CPLX4: variants seen among roughly 807,000 people sequenced by gnomAD.
CPLX4 encodes the protein complexin-4.
In CPLX4, 17 loss-of-function variants were observed where a neutral mutation model predicts 16.1. The ratio of observed to expected loss-of-function variants is 1.06; its 90% confidence interval spans 0.72 to 1.59. The LOEUF is 1.59. Ranked by LOEUF, CPLX4 falls within the 40% of genes most tolerant of loss-of-function variation. CPLX4 has a pLI of 0.00. For missense variants in CPLX4, 193 were observed against 192.9 expected (o/e 1.00, Z 0.00); for synonymous variants, 55 against 57.8 (o/e 0.95, Z 0.22).
In CPLX4 at chr18:59,296,432, A is replaced by G; in HGVS notation, c.*266T>C. ...GGCTCATCTCAAGGTCTTTAAGCAG[A>G]TATGTGTTCTGCATCATCATTTACA... On this transcript the variant is annotated 3_prime_UTR_variant, in exon 3 of 3. Coordinates refer to ENST00000299721, the MANE Select transcript of CPLX4 (RefSeq NM_181654.4). 1 of 493,152 alleles carries G rather than the reference A, an allele frequency of 2.0e-6. No individual in the cohort carries two copies. Among genetic ancestry groups the G allele is most frequent in the Non-Finnish European group, 3.6e-6 (1 of 280,422 alleles). 30.5% of individuals were successfully genotyped at this position (493,152 alleles called of 1,614,324 possible). A position where few individuals can be genotyped will look rare whatever the true frequency, so the allele number is the denominator to read the frequency against.
At chr18:59,305,505 A>G (rs753214583) in intron 2 of CPLX4, among the ~76,000 whole-genome samples, 53 of 152,194 alleles carry the variant, frequency 3.5e-4, no homozygotes, top group Non-Finnish European at 6.3e-4. Context: ...TTGGCGATTT[A>G]CTGGACGTGC....
At chr18:59,302,839 T>A (rs532524247) in intron 2 of CPLX4, among the ~76,000 whole-genome samples, 1 of 152,346 alleles carries the variant, frequency 6.6e-6, no homozygotes, top group Admixed American at 6.5e-5. Context: ...TTCAAAAAGC[T>A]GAGCATTCTC....
At chr18:59,310,852 C>A (rs2070611746) in intron 2 of CPLX4, among the ~76,000 whole-genome samples, 1 of 151,914 alleles carries the variant, frequency 6.6e-6, no homozygotes, top group Non-Finnish European at 1.5e-5. Flanking sequence ...TACAACGGAA[C>A]CCCAATTCTC....
intron 2 of CPLX4, among the ~76,000 whole-genome samples, chr18:59,305,460 G>A (rs1175138333): frequency 1.3e-5 from 2 of 152,158 alleles, no homozygotes; most frequent in Admixed American, 6.6e-5. Context: ...AAGTAGAAAA[G>A]CTATGGTGAA....
intron 1 of CPLX4, among the ~76,000 whole-genome samples, chr18:59,316,549 G>A (rs2144194349): frequency 6.6e-6 from 1 of 152,196 alleles, no homozygotes; most frequent in Non-Finnish European, 1.5e-5. Flanking sequence ...ACAATGGACT[G>A]AAAGTCATCC....
intron 2 of CPLX4, among the ~76,000 whole-genome samples, chr18:59,307,269 G>A (rs1467170251): frequency 6.6e-6 from 1 of 152,198 alleles, no homozygotes; most frequent in Non-Finnish European, 1.5e-5. Context: ...CATATGGTAT[G>A]TGCTTTTCCG....
At chr18:59,297,089 T>G (rs2070507034) in intron 2 of CPLX4, among the ~76,000 whole-genome samples, 164 bp from the exon 3 acceptor site, 2 of 152,086 alleles carry the variant, frequency 1.3e-5, no homozygotes, top group South Asian at 4.1e-4. Flanking sequence ...TGTGGGGGCT[T>G]CTGTAGGGGG....
chr18:59,313,022 G>A (rs2070628122), intron 1 of CPLX4, among the ~76,000 whole-genome samples: 1 of 152,058 alleles, frequency 6.6e-6, no homozygotes, highest in Non-Finnish European at 1.5e-5. Context: ...TGTGTGATGC[G>A]AACCAGGAGA....
rs532546565 is a variant in CPLX4 at position 59,297,622 on chromosome 18, T to C, written c.256-697A>G. ...AATGTCTTTCTCTCTGTGATGCTGATACACACAAAAGCTGGGGCATCACAC... is the reference window on the plus strand; with the variant it reads ...AATGTCTTTCTCTCTGTGATGCTGACACACACAAAAGCTGGGGCATCACAC... On this transcript the variant is annotated intron_variant, in intron 2 of 2. Coordinates refer to ENST00000299721, the MANE Select transcript of CPLX4 (RefSeq NM_181654.4). Among the ~76,000 whole-genome samples, 23 of 152,278 alleles carry C rather than the reference T, an allele frequency of 1.5e-4. No homozygotes were observed. In the East Asian group the frequency reaches 4.5e-3, roughly 29 times the overall value.
At chr18:59,308,387 T>TGG (rs2144186888) in intron 2 of CPLX4, among the ~76,000 whole-genome samples, 1 of 152,250 alleles carries the variant, frequency 6.6e-6, no homozygotes, top group South Asian at 2.1e-4. Flanking sequence ...ACTCGGCTGT[T>TGG]TGCGAGCTCC....
chr18:59,301,976 A>G (rs2070544785), intron 2 of CPLX4, among the ~76,000 whole-genome samples: 1 of 152,230 alleles, frequency 6.6e-6, no homozygotes, highest in South Asian at 2.1e-4. Context: ...ATTTTAGAGG[A>G]AAGAGGGCAG....
In CPLX4 at chr18:59,318,349, T is replaced by C. The variant is rs770909751; in HGVS notation, c.114A>G (p.Gln38=). ...EGGASDPAAA[Q]GMTREEYEEY... ...CCTCATACTCCTCTCTAGTCATCCC[T>C]TGAGCTGCTGCAGGATCAGATGCAC... The change falls in exon 1 of 3, where the codon CAA becomes CAG. Residue 38 remains glutamine (Q), a synonymous_variant. Coordinates refer to ENST00000299721, the MANE Select transcript of CPLX4 (RefSeq NM_181654.4). 3 of 1,613,924 alleles carry C rather than the reference T, an allele frequency of 1.9e-6. No homozygotes were observed.
chr18:59,311,134 G>A (rs2070614493), intron 2 of CPLX4, among the ~76,000 whole-genome samples: 1 of 152,146 alleles, frequency 6.6e-6, no homozygotes, highest in Non-Finnish European at 1.5e-5. Flanking sequence ...GTGAGCCAAT[G>A]ACATCCAGGG....
chr18:59,295,567 C>CAAAAAAAGAAAAAAAA lies in CPLX4; in HGVS notation c.*1130_*1131insTTTTTTTTCTTTTTTT, dbSNP rs2070493399. The CAAAAAAAGAAAAAAAA allele has an allele frequency of 7.1e-6, 1 of 140,380 alleles. No individual in the cohort carries two copies. 8.7% of individuals were successfully genotyped at this position (140,380 alleles called of 1,614,324 possible). On this transcript the variant is annotated 3_prime_UTR_variant, in exon 3 of 3. Coordinates refer to ENST00000299721, the MANE Select transcript of CPLX4 (RefSeq NM_181654.4). ...TTATTCACTGTATGAACAGAGTCAC[C>CAAAAAAAGAAAAAAAA]AAAAAAAAAAAAAAAAATCAGTATT...
chr18:59,310,711 A>G (rs2070610808), intron 2 of CPLX4, among the ~76,000 whole-genome samples: 1 of 152,174 alleles, frequency 6.6e-6, no homozygotes, highest in South Asian at 2.1e-4. Flanking sequence ...CAAAGATCCT[A>G]TGAAGTTAGG....
chr18:59,296,670 G>A lies in CPLX4; in HGVS notation c.*28C>T, dbSNP rs9954747. 7.6e-5 allele frequency: 121 copies of A among 1,593,554 alleles called. No individual in the cohort carries two copies. Among genetic ancestry groups the A allele is most frequent in the African/African-American group, 4.0e-5 (3 of 74,194 alleles). On this transcript the variant is annotated 3_prime_UTR_variant, in exon 3 of 3. Coordinates refer to ENST00000299721, the MANE Select transcript of CPLX4 (RefSeq NM_181654.4). ...AGAGTGGTCTTTTCCAAGGATGGCT[G>A]GTTCCCTCCCTCCACCCCTCCCACC...
intron 2 of CPLX4, among the ~76,000 whole-genome samples, chr18:59,301,516 G>A (rs917791385): frequency 1.3e-5 from 2 of 151,920 alleles, no homozygotes; most frequent in Admixed American, 1.3e-4. Context: ...ATTACTCTGG[G>A]CTGCAGCCTG....
chr18:59,316,257 G>GCACACACACACA (rs61529866), intron 1 of CPLX4, among the ~76,000 whole-genome samples: 1 of 150,952 alleles, frequency 6.6e-6, no homozygotes, highest in African/African-American at 2.4e-5. Flanking sequence ...TGGTGCGTGC[G>GCACACACACACA]CACACACACA....
chr18:59,303,990 T>G (rs1285109942), intron 2 of CPLX4, among the ~76,000 whole-genome samples: 1 of 152,144 alleles, frequency 6.6e-6, no homozygotes, highest in Non-Finnish European at 1.5e-5. Flanking sequence ...CCCCAAGAGC[T>G]CCTAATCTGA....
Sources: gnomAD v4.1 joint callset for allele counts (sites outside exome capture counted in the v4.1 genomes callset) on GRCh38, gnomAD v4.1.1 for gene constraint, MANE v1.5 for transcripts, NCBI Gene and HGNC (gene_info 2026-07-23, HGNC 2026-07-21) for gene names.